SIM1: variants seen among roughly 807,000 people sequenced by gnomAD.
The protein encoded by SIM1 is single-minded homolog 1.
In SIM1, 18 loss-of-function variants were observed where a neutral mutation model predicts 78.2. That is an observed-to-expected ratio of 0.23 (90% CI 0.16 to 0.34). SIM1 has a LOEUF of 0.34. SIM1 is among the 10% of genes least tolerant of loss of function. SIM1 has a pLI of 1.00. For missense variants in SIM1, 939 were observed against 975.1 expected (o/e 0.96, Z 0.49); for synonymous variants, 417 against 385.2 (o/e 1.08, Z -0.97).
chr6:100,453,048 CGCAA>C, intron 3 of SIM1, among the ~76,000 whole-genome samples: 1 of 152,234 alleles, frequency 6.6e-6, no homozygotes, highest in Non-Finnish European at 1.5e-5. Context: ...TTGGGACAAG[CGCAA>C]AATCTAAAAA....
At chr6:100,458,225 A>C (rs1405497746) in intron 2 of SIM1, among the ~76,000 whole-genome samples, 2 of 152,040 alleles carry the variant, frequency 1.3e-5, no homozygotes, top group Admixed American at 6.5e-5. Flanking sequence ...GGCGAAATTC[A>C]TGCAGCGTTC....
intron 10 of SIM1, among the ~76,000 whole-genome samples, chr6:100,405,855 C>T (rs560504401): frequency 6.6e-6 from 1 of 152,204 alleles, no homozygotes; most frequent in African/African-American, 2.4e-5. Flanking sequence ...AGGGAATCAG[C>T]ACGCAGGACC....
intron 9 of SIM1, among the ~76,000 whole-genome samples, chr6:100,442,489 C>A (rs1772242574): frequency 6.6e-6 from 1 of 151,964 alleles, no homozygotes; most frequent in Non-Finnish European, 1.5e-5. Context: ...AGATTAAACA[C>A]AATTAAGGAT....
chr6:100,389,393 C>T lies in SIM1; in HGVS notation c.*968G>A. ...TTAACACTGCTGTCATGTGGCACTT[C>T]ACTGGTTTTCCTTTTATTTTTGCAC... On this transcript the variant is annotated 3_prime_UTR_variant, in exon 12 of 12. Transcript: ENST00000369208. 1 of 383,766 alleles carries T rather than the reference C, an allele frequency of 2.6e-6. No homozygotes were observed. 23.8% of individuals were successfully genotyped at this position (383,766 alleles called of 1,614,324 possible). A position where few individuals can be genotyped will look rare whatever the true frequency, so the allele number is the denominator to read the frequency against.
intron 9 of SIM1, among the ~76,000 whole-genome samples, chr6:100,425,255 T>C (rs967117065): frequency 7.9e-5 from 12 of 152,186 alleles, no homozygotes; most frequent in Non-Finnish European, 1.8e-4. Flanking sequence ...CAATTAAACC[T>C]CTTTTTTTTC....
Position 100,393,626 on chromosome 6 carries a change from G to A in SIM1, c.1431C>T (p.Tyr477=), listed in dbSNP as rs1770695996. The A allele has an allele frequency of 6.2e-7, 1 of 1,614,174 alleles. No individual in the cohort carries two copies. The highest frequency in any genetic ancestry group is 8.5e-7 in the Non-Finnish European group (1 of 1,179,970). Reference sequence around the variant, plus strand: ...TCCCGGCCTGCGGCGTTCCCAGGAAGTACCTGCCTGCCTCACATCGGCCTC... The same window carrying A: ...TCCCGGCCTGCGGCGTTCCCAGGAAATACCTGCCTGCCTCACATCGGCCTC... ...CEGGRCEAGR[Y]FLGTPQAGRE... Residue 477 remains tyrosine (Y), a synonymous_variant, in exon 11 of 12, where the codon TAC becomes TAT. Transcript: ENST00000369208.
chr6:100,448,294 G>A, intron 7 of SIM1, 42 bp from the exon 8 acceptor site: 1 of 1,517,596 alleles, frequency 6.6e-7, no homozygotes, highest in Non-Finnish European at 9.0e-7. Flanking sequence ...AGGCGCGGGT[G>A]CAGGGATGCC....
At chr6:100,393,342 G>C (rs1770687127) in intron 11 of SIM1, 145 bp downstream of exon 11, 2 of 665,994 alleles carry the variant, frequency 3.0e-6, no homozygotes, top group East Asian at 3.2e-5. Flanking sequence ...ATTAATAACT[G>C]AGTGAACTTT....
intron 10 of SIM1, among the ~76,000 whole-genome samples, chr6:100,407,440 A>G (rs1771078547): frequency 6.6e-6 from 1 of 152,110 alleles, no homozygotes; most frequent in African/African-American, 2.4e-5. Context: ...ATCTCAACAT[A>G]CTGATTTTTT....
intron 10 of SIM1, among the ~76,000 whole-genome samples, chr6:100,412,555 A>AAAG (rs1281547759): frequency 0.023 from 1,463 of 64,464 alleles, 159 homozygotes; most frequent in East Asian, 0.078. Flanking sequence ...AGAAAGAAAG[A>AAAG]AAAGAAAGAA....
chr6:100,462,242 A>C (rs1772875035), intron 2 of SIM1, among the ~76,000 whole-genome samples: 1 of 152,210 alleles, frequency 6.6e-6, no homozygotes, highest in Non-Finnish European at 1.5e-5. Flanking sequence ...ATTTGTAAAT[A>C]AACACAATTC....
At chr6:100,449,536 A>G (rs1263843581) in intron 5 of SIM1, 55 bp downstream of exon 5, 4 of 1,593,436 alleles carry the variant, frequency 2.5e-6, no homozygotes, top group African/African-American at 1.3e-5. Context: ...AATTGGGGAA[A>G]AACCACAAGC....
In SIM1 at chr6:100,448,549, T is replaced by C; in HGVS notation, c.673A>G (p.Ile225Val). Residue 225 changes from isoleucine to valine, a missense_variant, in exon 7 of 12, where the codon ATC becomes GTC. Physicochemically the swap from Ile to Val is conservative, Grantham distance 29 (BLOSUM62 3). Transcript: ENST00000369208. ...ATAAACATATTGCTGTGTAGCTTGA[T>C]CTCCGTGACGGCGCTGGGAGGCAGC... ...HSLPPSAVTE[I>V]KLHSNMFMFR... is the part of the protein sequence containing the mutation. The C allele has an allele frequency of 3.1e-6, 5 of 1,614,074 alleles. No homozygotes were observed. The highest frequency in any genetic ancestry group is 4.2e-6 in the Non-Finnish European group (5 of 1,180,030).
intron 10 of SIM1, among the ~76,000 whole-genome samples, chr6:100,403,761 C>A (rs1156444934): frequency 6.6e-6 from 1 of 152,192 alleles, no homozygotes; most frequent in Non-Finnish European, 1.5e-5. Flanking sequence ...CCCATTACAA[C>A]AATAGTTACC....
At position 100,390,267 on chromosome 6, in the gene SIM1, T is replaced by C; in HGVS notation, c.*94A>G. On this transcript the variant is annotated 3_prime_UTR_variant, in exon 12 of 12. Transcript: ENST00000369208. ...ACCCAGTAACTTAAGTTATACTCTC[T>C]AACAATCTGTGGCATAGTAAATGCT... 1.4e-6 allele frequency: 2 copies of C among 1,386,520 alleles called. No homozygotes were observed. Among genetic ancestry groups the C allele is most frequent in the Middle Eastern group, 1.9e-4 (1 of 5,200 alleles). The allele number at this position is 1,386,520 out of a possible 1,614,324, so 85.9% of individuals were successfully genotyped here. A position where few individuals can be genotyped will look rare whatever the true frequency, so the allele number is the denominator to read the frequency against.
rs1286808016 is a variant in SIM1, at chr6:100,388,633, T to A, written c.*1728A>T. The A allele has an allele frequency of 1.3e-5, 2 of 152,208 alleles. No individual in the cohort carries two copies. Among genetic ancestry groups the A allele is most frequent in the South Asian group, 4.1e-4 (2 of 4,836 alleles). 9.4% of individuals were successfully genotyped at this position (152,208 alleles called of 1,614,324 possible). ...GTGTTAAATGATGAAAATATACTAC[T>A]AATCCCTGAGTATTCAATTTCATGT... On this transcript the variant is annotated 3_prime_UTR_variant, in exon 12 of 12. Coordinates refer to ENST00000369208, the MANE Select transcript of SIM1 (RefSeq NM_005068.3).
chr6:100,449,434 G>T lies in SIM1; in HGVS notation c.472C>A (p.Arg158Ser), dbSNP rs1218929044. 1.2e-6 allele frequency: 2 copies of T among 1,613,782 alleles called. No homozygotes were observed. Among genetic ancestry groups the T allele is most frequent in the African/African-American group, 2.7e-5 (2 of 74,942 alleles). The change falls in exon 6 of 12, where the codon CGC becomes AGC. Residue 158 changes from arginine (R) to serine (S), a missense_variant. By Grantham distance (110) the Arg-to-Ser change is moderately radical. Around this residue, in one of 5 missense-constraint regions of SIM1, gnomAD observed 187 missense variants for 191.6 expected, o/e 0.98. Coordinates refer to ENST00000369208, the MANE Select transcript of SIM1 (RefSeq NM_005068.3). ...CACTTCATCCTCAGGAAGAAGGAGC[G>T]CTCGATCTCATACTCTGGGAGAGAG... ...SHFVQEYEIERSFFLRMKCVL... is the reference protein window; with the variant it reads ...SHFVQEYEIESSFFLRMKCVL...
In SIM1 at chr6:100,388,274, C is replaced by T. The variant is rs528446199; in HGVS notation, c.*2087G>A. ...AGTCCTGCCTGTTGGCCCTGTGGCG[C>T]TCACTTATACAAAACATCGCCCTCT... is the stretch of plus-strand genomic sequence containing the variant. On this transcript the variant is annotated 3_prime_UTR_variant, in exon 12 of 12. Coordinates refer to ENST00000369208, the MANE Select transcript of SIM1 (RefSeq NM_005068.3). The T allele has an allele frequency of 1.5e-4, 23 of 152,294 alleles. No individual in the cohort carries two copies. The highest frequency in any genetic ancestry group is 5.5e-4 in the African/African-American group (23 of 41,568). The allele number at this position is 152,294 out of a possible 1,614,324, so 9.4% of individuals were successfully genotyped here.
At chr6:100,448,809 G>A (rs1029095360) in intron 6 of SIM1, 131 bp from the exon 7 acceptor site, 2 of 751,414 alleles carry the variant, frequency 2.7e-6, no homozygotes, top group Non-Finnish European at 4.2e-6. Context: ...GTGCACTAAG[G>A]AATCCAAAGT....
Sources: allele counts gnomAD v4.1 joint callset (sites outside exome capture counted in the v4.1 genomes callset), GRCh38; gene constraint gnomAD v4.1.1; regional missense constraint gnomAD v4.1.1; transcripts MANE v1.5; gene names NCBI Gene and HGNC (gene_info 2026-07-23, HGNC 2026-07-21).